GRM5: variants seen among roughly 807,000 people sequenced by gnomAD.
The protein encoded by GRM5 is metabotropic glutamate receptor 5.
Under a neutral mutation model 83.1 loss-of-function variants are expected in GRM5, and 19 were observed. The observed-to-expected ratio is 0.23, with a 90% CI of 0.16 to 0.34. The LOEUF is 0.34. Ranked by LOEUF, GRM5 falls within the 10% of genes least tolerant of loss-of-function variation. The pLI is 1.00. For missense variants in GRM5, 1,160 were observed against 1,588.3 expected, an observed-to-expected ratio of 0.73 and a Z score of 4.58; for synonymous variants, 675 against 633.6, an observed-to-expected ratio of 1.07 and a Z score of -0.98.
intron 2 of GRM5, among the ~76,000 whole-genome samples, chr11:89,034,024 T>C (rs1449010821): frequency 7.9e-6 from 1 of 127,364 alleles, no homozygotes. Context: ...CTTTCCAGAG[T>C]TCCACACAGA....
chr11:88,550,874 G>C (rs1942492042), intron 8 of GRM5, among the ~76,000 whole-genome samples: 1 of 152,102 alleles, frequency 6.6e-6, no homozygotes, highest in South Asian at 2.1e-4. Context: ...CTAAGCTAAT[G>C]GACTCTAGAG....
At chr11:88,805,878 A>G (rs1463113249) in intron 3 of GRM5, among the ~76,000 whole-genome samples, 1 of 151,806 alleles carries the variant, frequency 6.6e-6, no homozygotes, top group Non-Finnish European at 1.5e-5. Flanking sequence ...TCTTCCCTTT[A>G]TTTTTTTCCT....
intron 1 of GRM5, among the ~76,000 whole-genome samples, chr11:89,052,475 T>C (rs1017347383): frequency 1.3e-5 from 2 of 152,184 alleles, no homozygotes; most frequent in African/African-American, 4.8e-5. Context: ...AAGACTTATA[T>C]ATTTCAGAGA....
intron 2 of GRM5, among the ~76,000 whole-genome samples, chr11:88,977,026 A>G (rs1450272188): frequency 2.0e-5 from 3 of 151,776 alleles, no homozygotes; most frequent in South Asian, 2.1e-4. Flanking sequence ...ATAAAACTCT[A>G]TTTCTCATGT....
At chr11:88,829,181 G>GT (rs1555023345) in intron 3 of GRM5, among the ~76,000 whole-genome samples, 1 of 151,916 alleles carries the variant, frequency 6.6e-6, no homozygotes, top group African/African-American at 2.4e-5. Context: ...CACTATGTTG[G>GT]CATGCTTGGT....
At chr11:88,935,943 C>A (rs922872149) in intron 2 of GRM5, among the ~76,000 whole-genome samples, 8 of 151,880 alleles carry the variant, frequency 5.3e-5, no homozygotes, top group African/African-American at 1.9e-4. Flanking sequence ...TAATCCTAGT[C>A]CCTTTGACAA....
intron 2 of GRM5, among the ~76,000 whole-genome samples, chr11:89,030,027 G>A (rs1591062532): frequency 6.6e-6 from 1 of 152,094 alleles, no homozygotes; most frequent in South Asian, 2.1e-4. Flanking sequence ...CTCTCTTTAA[G>A]AACTCTAAAA....
At chr11:89,064,946 G>T (rs1238354039) in intron 1 of GRM5, among the ~76,000 whole-genome samples, 1 of 100,514 alleles carries the variant, frequency 9.9e-6, no homozygotes, top group African/African-American at 3.7e-5. Flanking sequence ...GAGAGGGAGA[G>T]AGAGATATTA....
At chr11:89,050,301 G>A (rs1415153931) in intron 1 of GRM5, among the ~76,000 whole-genome samples, 2 of 152,116 alleles carry the variant, frequency 1.3e-5, no homozygotes, top group Non-Finnish European at 2.9e-5. Context: ...CTTTCATTGA[G>A]CACCTAACAT....
At chr11:88,812,152 C>T (rs1203578802) in intron 3 of GRM5, among the ~76,000 whole-genome samples, 1 of 152,098 alleles carries the variant, frequency 6.6e-6, no homozygotes, top group Non-Finnish European at 1.5e-5. Context: ...TAACCATTTG[C>T]TGCCAAAGTA....
intron 4 of GRM5, among the ~76,000 whole-genome samples, chr11:88,607,459 T>G (rs1441670867): frequency 6.6e-6 from 1 of 152,218 alleles, no homozygotes; most frequent in Non-Finnish European, 1.5e-5. Flanking sequence ...TCTAACTGGT[T>G]GCCTGCTTTC....
chr11:88,901,631 A>G (rs988351990), intron 2 of GRM5, among the ~76,000 whole-genome samples: 2 of 152,162 alleles, frequency 1.3e-5, no homozygotes, highest in Non-Finnish European at 2.9e-5. Context: ...TGAAAGTGCC[A>G]GGGAATTTTG....
chr11:88,849,840 A>G, intron 3 of GRM5, 66 bp downstream of exon 3: 1 of 1,449,050 alleles, frequency 6.9e-7, no homozygotes, highest in Admixed American at 1.8e-5. Flanking sequence ...ATACACTAAA[A>G]GCTACCCTTC....
intron 7 of GRM5, among the ~76,000 whole-genome samples, chr11:88,580,831 G>A (rs1023628282): frequency 6.6e-6 from 1 of 152,224 alleles, no homozygotes; most frequent in African/African-American, 2.4e-5. Context: ...ACTTTCAAAT[G>A]TAGAAGACAT....
chr11:88,993,465 G>C (rs7358493), intron 2 of GRM5, among the ~76,000 whole-genome samples: 15,106 of 151,934 alleles, frequency 0.099, 2,453 homozygotes, highest in African/African-American at 0.34. Context: ...CGTCTGTTTT[G>C]AACTGAGTAC....
At chr11:88,593,762 T>TTCTCTCTC (rs113152007) in intron 6 of GRM5, among the ~76,000 whole-genome samples, 3 of 89,984 alleles carry the variant, frequency 3.3e-5, no homozygotes, top group African/African-American at 8.6e-5. Flanking sequence ...CCCTCCCTCC[T>TTCTCTCTC]TCTCTCTCTC....
intron 8 of GRM5, among the ~76,000 whole-genome samples, chr11:88,528,435 T>C (rs1941929715): frequency 6.6e-6 from 1 of 152,104 alleles, no homozygotes; most frequent in Admixed American, 6.6e-5. Context: ...AATGTGCTGT[T>C]CAAAATTACT....
intron 3 of GRM5, among the ~76,000 whole-genome samples, chr11:88,660,969 A>T (rs1468164376): frequency 6.6e-6 from 1 of 152,218 alleles, no homozygotes; most frequent in Non-Finnish European, 1.5e-5. Context: ...ATACAGTGAC[A>T]TTCATTGCTT....
chr11:88,779,782 T>C (rs887385084), intron 3 of GRM5, among the ~76,000 whole-genome samples: 1 of 152,122 alleles, frequency 6.6e-6, no homozygotes, highest in African/African-American at 2.4e-5. Context: ...ATTCAAATGA[T>C]CCATTTTCAC....
Sources: allele counts gnomAD v4.1 joint callset (sites outside exome capture counted in the v4.1 genomes callset), GRCh38; gene constraint gnomAD v4.1.1; transcripts MANE v1.5; gene names NCBI Gene and HGNC (gene_info 2026-07-23, HGNC 2026-07-21).